Variants in RARB observed in about 807,000 individuals in gnomAD.
RARB encodes retinoic acid receptor beta, also known as HBV-activated protein.
A neutral mutation model predicts 51.9 loss-of-function variants in RARB; 17 were observed. The observed-to-expected ratio is 0.33, with a 90% CI of 0.22 to 0.49. RARB has a LOEUF of 0.49. RARB is among the 20% of genes least tolerant of loss of function. The pLI, the probability that RARB is intolerant of heterozygous loss-of-function variation, is 0.99. For missense variants in RARB, 369 were observed against 550.8 expected (o/e 0.67, Z 3.30); for synonymous variants, 215 against 195.4 (o/e 1.10, Z -0.84).
chr3:25,089,810 A>G (rs1699165636), intron 3 of RARB, among the ~76,000 whole-genome samples: 1 of 152,156 alleles, frequency 6.6e-6, no homozygotes, highest in Non-Finnish European at 1.5e-5. Flanking sequence ...ACTAGAGTCA[A>G]GATGGAAATA....
chr3:25,576,077 C>T (rs567135532), intron 4 of RARB, among the ~76,000 whole-genome samples: 24 of 143,874 alleles, frequency 1.7e-4, no homozygotes, highest in Middle Eastern at 7.0e-3. Context: ...AAGGGAAAGA[C>T]GTTCCCAGCA....
At position 25,527,575 on chromosome 3, in the gene RARB, G is replaced by C. The variant is rs1319625087; in HGVS notation, c.448+26252G>C. Among the ~76,000 whole-genome samples, 3 of 152,182 alleles carry C rather than the reference G, an allele frequency of 2.0e-5. No individual in the cohort carries two copies. In the East Asian group the frequency reaches 5.8e-4, roughly 29 times the overall value. On this transcript the variant is annotated intron_variant, in intron 3 of 7. Transcript: ENST00000330688. The stretch of plus-strand genomic sequence containing the variant: ...AAATGGGGCTGAGCTGACCTTGGTA[G>C]TGTGTTATGTTCATACATGCTTGTA...
intron 5 of RARB, among the ~76,000 whole-genome samples, chr3:25,400,729 T>A (rs903405249): frequency 3.3e-5 from 5 of 152,062 alleles, no homozygotes; most frequent in African/African-American, 1.2e-4. Context: ...CCTAGTTGAG[T>A]TTTTTGGATA....
intron 5 of RARB, among the ~76,000 whole-genome samples, chr3:25,380,821 G>A (rs1041242912): frequency 1.3e-5 from 2 of 151,942 alleles, no homozygotes; most frequent in Non-Finnish European, 2.9e-5. Context: ...TTCACTCATC[G>A]TGACTGGTTT....
chr3:25,460,593 G>A (rs1338016824), intron 1 of RARB, among the ~76,000 whole-genome samples: 8 of 151,910 alleles, frequency 5.3e-5, no homozygotes, highest in Admixed American at 1.3e-4. Flanking sequence ...GATTACAGGC[G>A]CACACCACCA....
chr3:24,852,866 G>C (rs1261395181), intron 1 of RARB, among the ~76,000 whole-genome samples: 4 of 152,178 alleles, frequency 2.6e-5, no homozygotes, highest in Non-Finnish European at 5.9e-5. Flanking sequence ...ATTGGCCCAG[G>C]GTTATTTTTT....
At chr3:24,966,606 ATC>A (rs55848511) in intron 2 of RARB, among the ~76,000 whole-genome samples, 8,836 of 140,084 alleles carry the variant, frequency 0.063, 262 homozygotes, top group Middle Eastern at 0.1. Context: ...GTTTACATTC[ATC>A]TCTCTCTCTC....
At chr3:25,190,979 C>A (rs1020499557) in intron 5 of RARB, among the ~76,000 whole-genome samples, 1 of 152,058 alleles carries the variant, frequency 6.6e-6, no homozygotes, top group East Asian at 1.9e-4. Context: ...GTGTTGGGGG[C>A]CTCGCCCATC....
intron 2 of RARB, among the ~76,000 whole-genome samples, chr3:25,467,507 A>G (rs1374946074): frequency 2.3e-5 from 1 of 44,258 alleles, no homozygotes; most frequent in African/African-American, 7.7e-5. Flanking sequence ...TCACCATACA[A>G]TCATAGCAAG....
chr3:25,523,791 GA>G (rs1179328323), intron 3 of RARB, among the ~76,000 whole-genome samples: 1 of 152,100 alleles, frequency 6.6e-6, no homozygotes, highest in Non-Finnish European at 1.5e-5. Context: ...GCTAAAGGGG[GA>G]AAAAATAACC....
chr3:24,834,338 T>C (rs1359527141), intron 1 of RARB, among the ~76,000 whole-genome samples: 3 of 149,302 alleles, frequency 2.0e-5, no homozygotes, highest in Non-Finnish European at 3.0e-5. Flanking sequence ...GAATAGCCTG[T>C]TTTTTTCTCT....
intron 2 of RARB, chr3:25,462,415 A>G (rs1418646855): frequency 6.6e-6 from 1 of 152,184 alleles, no homozygotes; most frequent in Non-Finnish European, 1.5e-5. Context: ...TAGATATATA[A>G]CTTCTTTAAG....
intron 3 of RARB, among the ~76,000 whole-genome samples, chr3:25,101,350 G>C (rs1279842926): frequency 6.6e-6 from 1 of 152,122 alleles, no homozygotes; most frequent in Non-Finnish European, 1.5e-5. Context: ...ACATCAAAAA[G>C]TGAAAGCCTC....
chr3:25,381,029 C>T (rs569233140), intron 5 of RARB, among the ~76,000 whole-genome samples: 2 of 152,200 alleles, frequency 1.3e-5, no homozygotes, highest in East Asian at 3.9e-4. Flanking sequence ...TTTATTGTTT[C>T]TCTTCCTTCA....
chr3:25,284,161 C>A (rs1421370865), intron 5 of RARB, among the ~76,000 whole-genome samples: 1 of 152,176 alleles, frequency 6.6e-6, no homozygotes, highest in East Asian at 1.9e-4. Context: ...AGTAGAGGAA[C>A]TAAGACCCTC....
At chr3:24,975,306 T>C (rs183032028) in intron 2 of RARB, among the ~76,000 whole-genome samples, 2 of 152,162 alleles carry the variant, frequency 1.3e-5, no homozygotes, top group African/African-American at 4.8e-5. Context: ...AAATTAACAC[T>C]ACTGTTTTTT....
chr3:24,921,669 C>T (rs1437466495), intron 2 of RARB, among the ~76,000 whole-genome samples: 1 of 152,092 alleles, frequency 6.6e-6, no homozygotes, highest in Non-Finnish European at 1.5e-5. Flanking sequence ...ATAGTCTAGC[C>T]CAGACCTCAG....
chr3:25,407,402 G>C (rs1707440732), intron 5 of RARB, among the ~76,000 whole-genome samples: 1 of 152,144 alleles, frequency 6.6e-6, no homozygotes, highest in South Asian at 2.1e-4. Context: ...TCCTTACCTT[G>C]AATGATGCTA....
At chr3:24,926,510 C>CTATAGAT (rs1223230711) in intron 2 of RARB, among the ~76,000 whole-genome samples, 1 of 152,082 alleles carries the variant, frequency 6.6e-6, no homozygotes. Context: ...GCTAAAATAT[C>CTATAGAT]ACCTGAAACC....
Sources: allele counts gnomAD v4.1 joint callset (sites outside exome capture counted in the v4.1 genomes callset), GRCh38; gene constraint gnomAD v4.1.1; transcripts MANE v1.5; gene names NCBI Gene and HGNC (gene_info 2026-07-23, HGNC 2026-07-21).